IL12RB2: variants seen among roughly 807,000 people sequenced by gnomAD.
The protein encoded by IL12RB2 is interleukin-12 receptor subunit beta-2.
A neutral mutation model predicts 89.4 loss-of-function variants in IL12RB2; 82 were observed. The observed-to-expected ratio is 0.92, with a 90% CI of 0.77 to 1.10. IL12RB2 has a LOEUF of 1.10. Among genes scored for constraint, IL12RB2 ranks in the 50% least tolerant of loss-of-function variants. The probability of loss-of-function intolerance (pLI) is 0.00; values close to 1 mark genes in which losing one functional copy is unlikely to be tolerated. For synonymous variants in IL12RB2, 368 were observed against 370.1 expected, an observed-to-expected ratio of 0.99 and a Z score of 0.07; for missense variants, 963 against 1,031.9, an observed-to-expected ratio of 0.93 and a Z score of 0.92.
intron 9 of IL12RB2, among the ~76,000 whole-genome samples, chr1:67,340,618 T>C (rs1162331133): frequency 6.6e-6 from 1 of 152,182 alleles, no homozygotes; most frequent in Non-Finnish European, 1.5e-5. Context: ...CAGTGTAAAA[T>C]TCAGCAGTGC....
At position 67,322,379 on chromosome 1, in the gene IL12RB2, G is replaced by T. The variant is rs182106563; in HGVS notation, c.364+490G>T. Among the ~76,000 whole-genome samples, 256 of 140,332 alleles carry T rather than the reference G, an allele frequency of 1.8e-3. 2 individuals carry two copies. The highest frequency in any genetic ancestry group is 3.2e-3 in the Non-Finnish European group (214 of 65,856). The allele number at this position is 140,332 out of a possible 152,430, so 92.1% of individuals were successfully genotyped here. A position where few individuals can be genotyped will look rare whatever the true frequency, so the allele number is the denominator to read the frequency against. Reference sequence around the variant, plus strand: ...TTCTCATACTTAACAGAAGGTAAAAGAAAACATTGATCATACTTACTATCT... The same window carrying T: ...TTCTCATACTTAACAGAAGGTAAAATAAAACATTGATCATACTTACTATCT... On this transcript the variant is annotated intron_variant, in intron 4 of 16. Transcript: ENST00000674203.
At chr1:67,368,680 GA>G (rs1662966819) in intron 11 of IL12RB2, among the ~76,000 whole-genome samples, 1 of 152,206 alleles carries the variant, frequency 6.6e-6, no homozygotes, top group South Asian at 2.1e-4. Context: ...GCACTGAATT[GA>G]ATCAGTGGTT....
intron 16 of IL12RB2, among the ~76,000 whole-genome samples, chr1:67,393,458 T>C (rs1261842570): frequency 6.6e-6 from 1 of 152,210 alleles, no homozygotes; most frequent in Non-Finnish European, 1.5e-5. Flanking sequence ...CGACAAGCCA[T>C]TTCCGCACAG....
intron 16 of IL12RB2, among the ~76,000 whole-genome samples, chr1:67,390,823 G>C (rs1486597716): frequency 6.6e-6 from 1 of 152,064 alleles, no homozygotes; most frequent in Non-Finnish European, 1.5e-5. Flanking sequence ...AAATAGGAGA[G>C]AGAAGTGGCA....
intron 1 of IL12RB2, 59 bp downstream of exon 1, chr1:67,308,026 G>A (rs1165079150): frequency 2.0e-5 from 3 of 152,084 alleles, no homozygotes; most frequent in Admixed American, 6.6e-5. Flanking sequence ...CCGGACCAGC[G>A]GGGTGTCTGC....
rs1398410205 is a variant in IL12RB2, at chr1:67,324,293, T to C, written c.364+2404T>C. Among the ~76,000 whole-genome samples, 4 of 152,106 alleles carry C rather than the reference T, an allele frequency of 2.6e-5. No individual in the cohort carries two copies. In the East Asian group the frequency reaches 7.7e-4, roughly 29 times the overall value. ...GCTGGAGTGCGGTGGCGCAATCTCG[T>C]CTCACTTCAACCTCTGCCTCCTGGG... On this transcript the variant is annotated intron_variant, in intron 4 of 16. Coordinates refer to ENST00000674203, the MANE Select transcript of IL12RB2 (RefSeq NM_001374259.2).
intron 10 of IL12RB2, among the ~76,000 whole-genome samples, chr1:67,363,093 G>A (rs1662288403): frequency 6.6e-6 from 1 of 151,782 alleles, no homozygotes; most frequent in South Asian, 2.1e-4. Flanking sequence ...AGTAGAGACG[G>A]GGTTTCACTA....
At chr1:67,332,565 T>TA (rs1450779033) in intron 8 of IL12RB2, among the ~76,000 whole-genome samples, 1 of 152,248 alleles carries the variant, frequency 6.6e-6, no homozygotes, top group Non-Finnish European at 1.5e-5. Flanking sequence ...CATTTTATAA[T>TA]AAAATCTCTT....
chr1:67,372,289 A>T, intron 11 of IL12RB2, 147 bp from the exon 12 acceptor site: 1 of 682,942 alleles, frequency 1.5e-6, no homozygotes, highest in Non-Finnish European at 2.7e-6. Flanking sequence ...AACATAGGTC[A>T]TCAGTCCAGA....
chr1:67,374,774 C>A (rs555253997), intron 13 of IL12RB2, among the ~76,000 whole-genome samples: 2 of 120,828 alleles, frequency 1.7e-5, no homozygotes, highest in Non-Finnish European at 3.3e-5. Flanking sequence ...CCCAGCCCAG[C>A]CTCTTTTTTT....
chr1:67,314,485 C>G (rs1655499989), intron 2 of IL12RB2, among the ~76,000 whole-genome samples: 1 of 152,126 alleles, frequency 6.6e-6, no homozygotes, highest in Admixed American at 6.5e-5. Context: ...TATTACTATA[C>G]CTACTGTAAG....
At chr1:67,337,652 A>C (rs549725140) in intron 8 of IL12RB2, among the ~76,000 whole-genome samples, 3 of 152,204 alleles carry the variant, frequency 2.0e-5, no homozygotes, top group Non-Finnish European at 4.4e-5. Context: ...TTACTTAACA[A>C]TTATTAGGAG....
intron 16 of IL12RB2, among the ~76,000 whole-genome samples, chr1:67,391,845 G>T (rs571343829): frequency 1.3e-5 from 2 of 152,088 alleles, no homozygotes; most frequent in Non-Finnish European, 1.5e-5. Flanking sequence ...AGGTTTCACT[G>T]TGTTAGCCAG....
chr1:67,396,296 C>A lies in IL12RB2; in HGVS notation c.*207C>A, dbSNP rs1320098392. On this transcript the variant is annotated 3_prime_UTR_variant, in exon 17 of 17. Transcript: ENST00000674203. The stretch of plus-strand genomic sequence containing the variant: ...ATGCCTCATCTTGCCTTTCCCAGGG[C>A]CTTAAAATTACATCCTTCACTGTGT... 1.6e-5 allele frequency: 10 copies of A among 637,738 alleles called. No homozygotes were observed. The highest frequency in any genetic ancestry group is 3.5e-5 in the South Asian group (2 of 56,782). 39.5% of individuals were successfully genotyped at this position (637,738 alleles called of 1,614,324 possible). A position where few individuals can be genotyped will look rare whatever the true frequency, so the allele number is the denominator to read the frequency against.
intron 1 of IL12RB2, among the ~76,000 whole-genome samples, chr1:67,310,764 C>G (rs748132550): frequency 1.3e-5 from 2 of 152,090 alleles, no homozygotes; most frequent in Non-Finnish European, 2.9e-5. Context: ...GTCTTGCTGT[C>G]GCCAGGCTGG....
intron 10 of IL12RB2, among the ~76,000 whole-genome samples, chr1:67,365,712 A>G (rs1207910962): frequency 6.6e-6 from 1 of 152,186 alleles, no homozygotes; most frequent in Non-Finnish European, 1.5e-5. Context: ...GTGGAAAAAT[A>G]GTAAAATGTA....
chr1:67,392,466 A>G (rs1002221172), intron 16 of IL12RB2, among the ~76,000 whole-genome samples: 3 of 152,186 alleles, frequency 2.0e-5, no homozygotes, highest in South Asian at 2.1e-4. Context: ...GGGCGATTTT[A>G]CACACACTCA....
intron 10 of IL12RB2, among the ~76,000 whole-genome samples, chr1:67,351,644 A>G (rs1660860550): frequency 6.6e-6 from 1 of 152,176 alleles, no homozygotes; most frequent in South Asian, 2.1e-4. Context: ...AAAACAAATA[A>G]ATAAATAAAT....
intron 9 of IL12RB2, among the ~76,000 whole-genome samples, chr1:67,339,624 T>G (rs1659298879): frequency 6.6e-6 from 1 of 152,174 alleles, no homozygotes; most frequent in South Asian, 2.1e-4. Flanking sequence ...TGCGAAAGTT[T>G]CACAAAGCAC....
Sources: gnomAD v4.1 joint callset for allele counts (sites outside exome capture counted in the v4.1 genomes callset) on GRCh38, gnomAD v4.1.1 for gene constraint, MANE v1.5 for transcripts, NCBI Gene and HGNC (gene_info 2026-07-23, HGNC 2026-07-21) for gene names.